Variants in ATXN10 observed in about 807,000 individuals in gnomAD.
ATXN10 encodes ataxin-10.
Under a neutral mutation model 52.9 loss-of-function variants are expected in ATXN10, and 28 were observed. The observed-to-expected ratio is 0.53, with a 90% confidence interval of 0.39 to 0.73. The LOEUF (loss-of-function observed/expected upper bound fraction) is 0.73, where lower values mean the gene tolerates loss of function less well. Ranked by LOEUF, ATXN10 falls within the 30% of genes least tolerant of loss-of-function variation. The probability of loss-of-function intolerance (pLI) is 0.00; values close to 1 mark genes in which losing one functional copy is unlikely to be tolerated. For synonymous variants in ATXN10, 226 were observed against 221.5 expected, an observed-to-expected ratio of 1.02 and a Z score of -0.18; for missense variants, 565 against 577.0, an observed-to-expected ratio of 0.98 and a Z score of 0.21.
chr22:45,682,572 A>G (rs1038467212), intron 1 of ATXN10, among the ~76,000 whole-genome samples: 8 of 152,170 alleles, frequency 5.3e-5, no homozygotes, highest in African/African-American at 1.9e-4. Flanking sequence ...GGCCTCCCAA[A>G]GTGCTGGGAT....
intron 9 of ATXN10, among the ~76,000 whole-genome samples, chr22:45,803,924 A>G (rs565585398): frequency 2.0e-5 from 3 of 152,224 alleles, no homozygotes; most frequent in African/African-American, 7.2e-5. Context: ...CACTCTCTAT[A>G]GTGGTCGAAC....
rs1030612734 is a variant in ATXN10 at position 45,672,105 on chromosome 22, C to T, written c.42C>T (p.Val14=). ...PRPPPARLSG[V]MVPAPIQDLE... ...CGCCGCCTGCCAGGCTGTCGGGCGT[C>T]ATGGTGCCGGCGCCCATCCAAGACC... Residue 14 remains valine, a synonymous_variant, in exon 1 of 12, where the codon GTC becomes GTT. Transcript: ENST00000252934. 6.5e-7 allele frequency: 1 copy of T among 1,539,486 alleles called. No homozygotes were observed. Among genetic ancestry groups the T allele is most frequent in the African/African-American group, 1.4e-5 (1 of 72,826 alleles).
At chr22:45,682,033 C>T in intron 1 of ATXN10, among the ~76,000 whole-genome samples, 1 of 152,176 alleles carries the variant, frequency 6.6e-6, no homozygotes, top group East Asian at 1.9e-4. Context: ...TTGCCTTTTG[C>T]ACACATTGCT....
chr22:45,755,720 GAAT>G, intron 9 of ATXN10, among the ~76,000 whole-genome samples: 1 of 152,284 alleles, frequency 6.6e-6, no homozygotes, highest in South Asian at 2.1e-4. Flanking sequence ...TTTCCAAAAT[GAAT>G]AATAATGACC....
intron 6 of ATXN10, among the ~76,000 whole-genome samples, chr22:45,721,900 G>A (rs1035289575): frequency 1.3e-5 from 2 of 151,998 alleles, no homozygotes; most frequent in African/African-American, 4.8e-5. Flanking sequence ...GGGCAACAGA[G>A]CGAGACTCTG....
rs1203274194 is a variant in ATXN10 at position 45,690,789 on chromosome 22, C to A, written c.308+886C>A. Among the ~76,000 whole-genome samples the A allele has an allele frequency of 6.6e-6, 1 of 152,216 alleles. No homozygotes were observed. The highest frequency in any genetic ancestry group is 2.4e-5 in the African/African-American group (1 of 41,462). On this transcript the variant is annotated intron_variant, in intron 2 of 11. Coordinates refer to ENST00000252934, the MANE Select transcript of ATXN10 (RefSeq NM_013236.4). This position sits in a 1 kb window ranked among gnomAD's most constrained non-coding sequence, Gnocchi z 4.5. The stretch of plus-strand genomic sequence containing the variant: ...TCTTTGCTTTTACGTGTTACCGTCT[C>A]CTCCCAGAACACAGCATCTTTCTTC...
In ATXN10 at chr22:45,781,077, G is replaced by A. The variant is rs1927133247; in HGVS notation, c.1174-25882G>A. ...CTTTCTCCCTAAAGGACCAAGAAGG[G>A]GACAACTTAAGACAGAAAACTTTTA... On this transcript the variant is annotated intron_variant, in intron 9 of 11. Coordinates refer to ENST00000252934, the MANE Select transcript of ATXN10 (RefSeq NM_013236.4). The surrounding 1 kb of genome is among the most constrained non-coding windows in gnomAD (Gnocchi z 4.2). 6.6e-6 allele frequency among the ~76,000 whole-genome samples: 1 copy of A among 152,134 alleles called. No individual in the cohort carries two copies. The highest frequency in any genetic ancestry group is 1.5e-5 in the Non-Finnish European group (1 of 68,026).
intron 1 of ATXN10, 75 bp downstream of exon 1, chr22:45,672,254 C>T: frequency 7.8e-7 from 1 of 1,278,534 alleles, no homozygotes; most frequent in South Asian, 2.3e-5. Context: ...CCGGCCTGGA[C>T]CCAGGCGCCG....
At chr22:45,817,644 G>A (rs891863851) in intron 10 of ATXN10, among the ~76,000 whole-genome samples, 6 of 151,204 alleles carry the variant, frequency 4.0e-5, no homozygotes, top group Non-Finnish European at 5.9e-5. Context: ...TTTTTTTTAA[G>A]TTGTATAGTA....
In ATXN10 at chr22:45,677,578, A is replaced by G. The variant is rs957019660; in HGVS notation, c.116+5399A>G. 1.3e-5 allele frequency: 2 copies of G among 152,012 alleles called. No homozygotes were observed. Among genetic ancestry groups the G allele is most frequent in the Non-Finnish European group, 2.9e-5 (2 of 68,000 alleles). The allele number at this position is 152,012 out of a possible 1,614,324, so 9.4% of individuals were successfully genotyped here. A position where few individuals can be genotyped will look rare whatever the true frequency, so the allele number is the denominator to read the frequency against. ...AGAAGTATTTAAAATATATATGATAAAGAAGTTGTTTCAGAATATATGAAG... is the reference window on the plus strand; with the variant it reads ...AGAAGTATTTAAAATATATATGATAGAGAAGTTGTTTCAGAATATATGAAG... On this transcript the variant is annotated intron_variant, in intron 1 of 11. Transcript: ENST00000252934. This position sits in a 1 kb window ranked among gnomAD's most constrained non-coding sequence, Gnocchi z 4.1.
rs1428366615 is a variant in ATXN10 at position 45,718,042 on chromosome 22, G to T, written c.648-371G>T. On this transcript the variant is annotated intron_variant, in intron 5 of 11. Coordinates refer to ENST00000252934, the MANE Select transcript of ATXN10 (RefSeq NM_013236.4). This position sits in a 1 kb window ranked among gnomAD's most constrained non-coding sequence, Gnocchi z 4.4. ...AGTCTTTCTCTGGTTCATTATAGCAGTTAGCTTCTGACTAAACCAATTTAA... is the reference window on the plus strand; with the variant it reads ...AGTCTTTCTCTGGTTCATTATAGCATTTAGCTTCTGACTAAACCAATTTAA... Among the ~76,000 whole-genome samples, 1 of 152,186 alleles carries T rather than the reference G, an allele frequency of 6.6e-6. No homozygotes were observed. The highest frequency in any genetic ancestry group is 1.9e-4 in the East Asian group (1 of 5,196).
rs1453508526 is a variant in ATXN10 at position 45,761,271 on chromosome 22, A to G, written c.1173+20733A>G. Reference sequence around the variant, plus strand: ...AAGTAGCTGGGACTTTAATGTTTTTATATTGGTGATTTTGAGCAGAGACTG... The same window carrying G: ...AAGTAGCTGGGACTTTAATGTTTTTGTATTGGTGATTTTGAGCAGAGACTG... On this transcript the variant is annotated intron_variant, in intron 9 of 11. Coordinates refer to ENST00000252934, the MANE Select transcript of ATXN10 (RefSeq NM_013236.4). Among the ~76,000 whole-genome samples the G allele has an allele frequency of 2.0e-5, 3 of 151,998 alleles. No individual in the cohort carries two copies. The South Asian group carries it at 6.2e-4, about 32-fold the overall frequency.
rs1358723112 is a variant in ATXN10 at position 45,843,551 on chromosome 22, G to C, written c.1426-118G>C. 1.1e-6 allele frequency: 1 copy of C among 893,726 alleles called. No homozygotes were observed. The highest frequency in any genetic ancestry group is 2.0e-5 in the Admixed American group (1 of 50,220). 55.4% of individuals were successfully genotyped at this position (893,726 alleles called of 1,614,324 possible). On this transcript the variant is annotated intron_variant, in intron 11 of 11. Transcript: ENST00000252934. This position sits in a 1 kb window ranked among gnomAD's most constrained non-coding sequence, Gnocchi z 4.5. Reference sequence around the variant, plus strand: ...AATAATATTGCATGAATTGTTTTAGGTTTCTCTAAGTTATTTGTCACCACT... The same window carrying C: ...AATAATATTGCATGAATTGTTTTAGCTTTCTCTAAGTTATTTGTCACCACT...
chr22:45,806,240 ATTTG>A (rs1235672472), intron 9 of ATXN10, among the ~76,000 whole-genome samples: 3 of 152,118 alleles, frequency 2.0e-5, no homozygotes, highest in Non-Finnish European at 4.4e-5. Flanking sequence ...AGACTTGGTT[ATTTG>A]TTAGTCTGGC....
chr22:45,735,347 G>A (rs1925252879), intron 7 of ATXN10, among the ~76,000 whole-genome samples: 3 of 151,666 alleles, frequency 2.0e-5, no homozygotes, highest in African/African-American at 4.8e-5. Flanking sequence ...AGGCTGGAGC[G>A]TAGTGGTGCA....
rs1219811353 is a variant in ATXN10 at position 45,744,931 on chromosome 22, A to G, written c.1173+4393A>G. 6.6e-6 allele frequency: 1 copy of G among 152,220 alleles called. No homozygotes were observed. The highest frequency in any genetic ancestry group is 1.5e-5 in the Non-Finnish European group (1 of 68,030). 9.4% of individuals were successfully genotyped at this position (152,220 alleles called of 1,614,324 possible). On this transcript the variant is annotated intron_variant, in intron 9 of 11. Transcript: ENST00000252934. The surrounding 1 kb of genome is among the most constrained non-coding windows in gnomAD (Gnocchi z 4.9). ...ATAGATGTAGTGTTTCCTGAATTGT[A>G]AAGGAATTGCTAGACTTCCCTTTAC...
chr22:45,809,844 A>G (rs1928223717), intron 10 of ATXN10, among the ~76,000 whole-genome samples: 1 of 152,194 alleles, frequency 6.6e-6, no homozygotes, highest in South Asian at 2.1e-4. Flanking sequence ...ATGTGTTGCT[A>G]GTATTTTCTC....
chr22:45,750,249 C>T lies in ATXN10; in HGVS notation c.1173+9711C>T, dbSNP rs117855922. Among the ~76,000 whole-genome samples the T allele has an allele frequency of 6.3e-3, 963 of 152,142 alleles. 7 individuals carry two copies. The highest frequency in any genetic ancestry group is 0.015 in the South Asian group (71 of 4,808). On this transcript the variant is annotated intron_variant, in intron 9 of 11. Transcript: ENST00000252934. This position sits in a 1 kb window ranked among gnomAD's most constrained non-coding sequence, Gnocchi z 4.2. ...AGCTGGTACTAGAGGTATGTCACCA[C>T]ACCTGGCAAATTTTTGTATTTTTTT...
intron 9 of ATXN10, among the ~76,000 whole-genome samples, chr22:45,768,972 G>A (rs942477677): frequency 1.3e-5 from 2 of 152,150 alleles, no homozygotes; most frequent in Non-Finnish European, 2.9e-5. Context: ...ATTAGCTGGT[G>A]AAATGAGTTG....
Sources: gnomAD v4.1 joint callset for allele counts (sites outside exome capture counted in the v4.1 genomes callset) on GRCh38, gnomAD v4.1.1 for gene constraint, Gnocchi (gnomAD v3.1) non-coding constraint, MANE v1.5 for transcripts, NCBI Gene and HGNC (gene_info 2026-07-23, HGNC 2026-07-21) for gene names.